Variants in CHD7 observed in about 807,000 individuals in gnomAD.
CHD7 encodes chromodomain helicase DNA binding protein 7, also known as ATP-dependent chromatin remodeler CHD7.
In CHD7, 24 loss-of-function variants were observed where a neutral mutation model predicts 307.3. The observed-to-expected ratio is 0.08, with a 90% CI of 0.06 to 0.11. CHD7 has a LOEUF of 0.11. Among genes scored for constraint, CHD7 ranks in the 10% least tolerant of loss-of-function variants. The pLI, the probability that CHD7 is intolerant of heterozygous loss-of-function variation, is 1.00. For missense variants in CHD7, 3,106 were observed against 3,727.1 expected (o/e 0.83, Z 4.34); for synonymous variants, 1,363 against 1,349.9 (o/e 1.01, Z -0.21).
At chr8:60,824,901 G>A (rs1563633387) in intron 13 of CHD7, 1 of 152,072 alleles carries the variant, frequency 6.6e-6, no homozygotes, top group Admixed American at 6.6e-5. Flanking sequence ...TTCCTAGTGG[G>A]AATTGCAACA....
chr8:60,702,535 A>G (rs1806814309), intron 1 of CHD7, among the ~76,000 whole-genome samples: 1 of 152,238 alleles, frequency 6.6e-6, no homozygotes, highest in Non-Finnish European at 1.5e-5. Context: ...AAGACTGTCA[A>G]GCAATAAGCC....
intron 1 of CHD7, among the ~76,000 whole-genome samples, chr8:60,684,541 G>C (rs1028940187): frequency 6.8e-6 from 1 of 146,764 alleles, no homozygotes; most frequent in African/African-American, 2.4e-5. Context: ...TCCGTCAGTT[G>C]GGTGGGGTAT....
intron 34 of CHD7, among the ~76,000 whole-genome samples, chr8:60,858,583 A>G (rs1805822750): frequency 6.6e-6 from 1 of 152,100 alleles, no homozygotes; most frequent in Non-Finnish European, 1.5e-5. Context: ...TATCATGTTC[A>G]ATATTTGTAG....
At chr8:60,833,431 G>A (rs1160712396) in intron 15 of CHD7, among the ~76,000 whole-genome samples, 1 of 152,202 alleles carries the variant, frequency 6.6e-6, no homozygotes, top group Non-Finnish European at 1.5e-5. Context: ...GAGGCAGGAG[G>A]CGTGTAGAGG....
intron 4 of CHD7, among the ~76,000 whole-genome samples, chr8:60,799,102 T>C (rs1187028592): frequency 6.6e-6 from 1 of 152,254 alleles, no homozygotes; most frequent in Non-Finnish European, 1.5e-5. Flanking sequence ...ATATACAGTC[T>C]TTTTGTCTTA....
At chr8:60,744,368 G>A (rs569556929) in intron 2 of CHD7, among the ~76,000 whole-genome samples, 1 of 152,028 alleles carries the variant, frequency 6.6e-6, no homozygotes, top group East Asian at 1.9e-4. Flanking sequence ...AGGCCTTTGA[G>A]GACAGTTTGG....
chr8:60,776,215 G>A (rs1178995645), intron 2 of CHD7, among the ~76,000 whole-genome samples: 1 of 152,148 alleles, frequency 6.6e-6, no homozygotes, highest in Non-Finnish European at 1.5e-5. Flanking sequence ...AGAATGAGCT[G>A]AATAAAACTA....
intron 11 of CHD7, 44 bp from the exon 12 acceptor site, chr8:60,822,459 T>C: frequency 6.3e-7 from 1 of 1,592,024 alleles, no homozygotes; most frequent in Non-Finnish European, 8.6e-7. Flanking sequence ...CAGTGTGTCA[T>C]ATCCATACTC....
Position 60,819,433 on chromosome 8 carries a change from G to GA in CHD7, c.2614-570dup, listed in dbSNP as rs200020708. Among the ~76,000 whole-genome samples the GA allele has an allele frequency of 7.8e-3, 1,184 of 152,266 alleles. 6 individuals are homozygous for GA. Among genetic ancestry groups the GA allele is most frequent in the Admixed American group, 0.011 (174 of 15,294 alleles). ...ACACTATATTCAATGTAAATCATTAGAAAACAGATTAATGATGAGACTGTG... is the reference window on the plus strand; with the variant it reads ...ACACTATATTCAATGTAAATCATTAGAAAAACAGATTAATGATGAGACTGTG... On this transcript the variant is annotated intron_variant, in intron 8 of 37. Transcript: ENST00000423902.
At chr8:60,825,063 G>GGGTT (rs1217696789) in intron 13 of CHD7, 3 of 152,136 alleles carry the variant, frequency 2.0e-5, no homozygotes, top group Non-Finnish European at 2.9e-5. Flanking sequence ...AGTACAAAAA[G>GGGTT]GGTTTCAAAG....
intron 2 of CHD7, among the ~76,000 whole-genome samples, chr8:60,764,460 C>G (rs1036102948): frequency 1.3e-5 from 2 of 152,084 alleles, no homozygotes; most frequent in African/African-American, 2.4e-5. Flanking sequence ...ATTCTGAGAT[C>G]TTTTTCTGGG....
At chr8:60,686,972 G>C (rs980830561) in intron 1 of CHD7, among the ~76,000 whole-genome samples, 1 of 152,042 alleles carries the variant, frequency 6.6e-6, no homozygotes, top group Non-Finnish European at 1.5e-5. Context: ...TTCGAGATGG[G>C]GTCTCACAAT....
chr8:60,735,439 TATG>T (rs1317898147), intron 1 of CHD7, among the ~76,000 whole-genome samples: 3 of 152,234 alleles, frequency 2.0e-5, no homozygotes, highest in African/African-American at 4.8e-5. Flanking sequence ...TTATTTTTAA[TATG>T]ATGCTTGGGG....
intron 3 of CHD7, among the ~76,000 whole-genome samples, chr8:60,783,666 C>G (rs1026688579): frequency 1.3e-5 from 2 of 152,124 alleles, no homozygotes; most frequent in Admixed American, 1.3e-4. Flanking sequence ...TATTTTTACC[C>G]TAAGTGGTGT....
chr8:60,854,789 C>T (rs1339784493), intron 32 of CHD7, among the ~76,000 whole-genome samples: 1 of 152,098 alleles, frequency 6.6e-6, no homozygotes, highest in South Asian at 2.1e-4. Flanking sequence ...TCTTTGGCTC[C>T]ATGTGGCTTT....
At chr8:60,710,686 T>A (rs770330200) in intron 1 of CHD7, among the ~76,000 whole-genome samples, 35 of 152,226 alleles carry the variant, frequency 2.3e-4, no homozygotes, top group Non-Finnish European at 1.9e-4. Flanking sequence ...TGGTGCATTT[T>A]AAAAGAAGAG....
chr8:60,696,203 A>G (rs943185037), intron 1 of CHD7, among the ~76,000 whole-genome samples: 20 of 152,236 alleles, frequency 1.3e-4, no homozygotes, highest in African/African-American at 3.9e-4. Context: ...AATTTTTTAA[A>G]TATTTCTATG....
chr8:60,735,048 G>A (rs2150567873), intron 1 of CHD7, among the ~76,000 whole-genome samples: 1 of 152,138 alleles, frequency 6.6e-6, no homozygotes, highest in South Asian at 2.1e-4. Flanking sequence ...CTGGGAGAGA[G>A]CATTAGCAGG....
Position 60,800,574 on chromosome 8 carries a change from A to T in CHD7, c.2376+49A>T, listed in dbSNP as rs761838970. On this transcript the variant is annotated intron_variant, in intron 5 of 37. Coordinates refer to ENST00000423902, the MANE Select transcript of CHD7 (RefSeq NM_017780.4). ...TATGGATGCATTTTAAAGATGGACT[A>T]GAAATTTCATTGCTGCAATCTGAGA... The T allele has an allele frequency of 7.4e-6, 3 of 405,642 alleles. No individual in the cohort carries two copies. The South Asian group carries it at 1.6e-4, about 22-fold the overall frequency. 25.1% of individuals were successfully genotyped at this position (405,642 alleles called of 1,614,324 possible).
Sources: gnomAD v4.1 joint callset for allele counts (sites outside exome capture counted in the v4.1 genomes callset) on GRCh38, gnomAD v4.1.1 for gene constraint, MANE v1.5 for transcripts, NCBI Gene and HGNC (gene_info 2026-07-23, HGNC 2026-07-21) for gene names.